ANKRD45: variants seen among roughly 807,000 people sequenced by gnomAD.
The protein encoded by ANKRD45 is ankyrin repeat domain-containing protein 45.
Under a neutral mutation model 28.1 loss-of-function variants are expected in ANKRD45, and 21 were observed. The observed-to-expected ratio is 0.75, with a 90% CI of 0.53 to 1.08. The LOEUF (loss-of-function observed/expected upper bound fraction) is 1.08, where lower values mean the gene tolerates loss of function less well. ANKRD45 is among the 50% of genes least tolerant of loss of function. The pLI is 0.00. For missense variants in ANKRD45, 261 were observed against 308.7 expected (o/e 0.85, Z 1.16); for synonymous variants, 86 against 103.9 (o/e 0.83, Z 1.05).
chr1:173,670,884 A>G (rs905086485), upstream of ANKRD45, among the ~76,000 whole-genome samples: 15 of 152,320 alleles, frequency 9.8e-5, no homozygotes, highest in African/African-American at 3.6e-4. Flanking sequence ...CAAAGAATGG[A>G]CTTAGAGGCA....
At position 173,657,470 on chromosome 1, in the gene ANKRD45, GAA is replaced by G. The variant is rs761648464; in HGVS notation, c.328+1619_328+1620del. 5.7e-5 allele frequency: 8 copies of G among 141,438 alleles called. No homozygotes were observed. The South Asian group carries it at 7.2e-4, about 13-fold the overall frequency. 8.8% of individuals were successfully genotyped at this position (141,438 alleles called of 1,614,324 possible). A position where few individuals can be genotyped will look rare whatever the true frequency, so the allele number is the denominator to read the frequency against. On this transcript the variant is annotated intron_variant, in intron 2 of 5. Transcript: ENST00000333279. ...GTGACAGAACAAGACTCTGTCTCAA[GAA>G]AAAAAAAAAAGAGAACAACAAATAT... is the stretch of plus-strand genomic sequence containing the variant.
At chr1:173,689,901 T>G in the ANKRD45 span, among the ~76,000 whole-genome samples, 6 of 152,062 alleles carry the variant, frequency 3.9e-5, no homozygotes, top group Non-Finnish European at 8.8e-5. Flanking sequence ...CCTTTCTTCC[T>G]CTGAAAAGAG....
At chr1:173,651,992 G>C (rs12084685) in intron 2 of ANKRD45, among the ~76,000 whole-genome samples, 19,402 of 152,018 alleles carry the variant, frequency 0.13, 4,135 homozygotes, top group African/African-American at 0.44. Flanking sequence ...AAGGAGATTT[G>C]GGGCTGAAAC....
chr1:173,615,474 C>T (rs1667424888), intron 5 of ANKRD45, among the ~76,000 whole-genome samples: 1 of 150,738 alleles, frequency 6.6e-6, no homozygotes. Flanking sequence ...ATGTGTCTTA[C>T]AGAGAAAATA....
At chr1:173,650,579 T>C (rs910325797) in intron 2 of ANKRD45, among the ~76,000 whole-genome samples, 51 of 152,352 alleles carry the variant, frequency 3.3e-4, no homozygotes, top group African/African-American at 1.2e-3. Flanking sequence ...CGTGTGTCTT[T>C]ATAGTAGCAT....
At chr1:173,711,622 G>A in the ANKRD45 span, among the ~76,000 whole-genome samples, 12 of 152,090 alleles carry the variant, frequency 7.9e-5, no homozygotes, top group African/African-American at 2.9e-4. Context: ...GATTTTGGGG[G>A]CCCAAGATAT....
chr1:173,660,658 C>T (rs192213812), intron 1 of ANKRD45, among the ~76,000 whole-genome samples: 11 of 152,288 alleles, frequency 7.2e-5, no homozygotes, highest in East Asian at 3.9e-4. Flanking sequence ...TCTTCTCATG[C>T]GCTGTGATGG....
chr1:173,644,034 T>C (rs1017665028), intron 3 of ANKRD45, among the ~76,000 whole-genome samples: 29 of 152,208 alleles, frequency 1.9e-4, no homozygotes, highest in African/African-American at 6.3e-4. Context: ...TCTAAGAGAA[T>C]ATTAATATAC....
chr1:173,673,111 CTTT>C (rs201967833), upstream of ANKRD45, among the ~76,000 whole-genome samples: 24 of 138,620 alleles, frequency 1.7e-4, no homozygotes, highest in Admixed American at 5.8e-4. Flanking sequence ...CATTTCTATA[CTTT>C]TTTTTTTTTT....
At chr1:173,653,912 G>C (rs1271707644) in intron 2 of ANKRD45, among the ~76,000 whole-genome samples, 1 of 147,656 alleles carries the variant, frequency 6.8e-6, no homozygotes, top group East Asian at 2.0e-4. Flanking sequence ...GACTAGGATT[G>C]CAACCCTTGC....
At chr1:173,645,145 A>G (rs1399003470) in intron 3 of ANKRD45, among the ~76,000 whole-genome samples, 1 of 152,232 alleles carries the variant, frequency 6.6e-6, no homozygotes, top group Admixed American at 6.5e-5. Flanking sequence ...TGCTTATAGA[A>G]AATATTTAGT....
At chr1:173,624,637 A>T in intron 5 of ANKRD45, 150 bp downstream of exon 5, 1 of 725,704 alleles carries the variant, frequency 1.4e-6, no homozygotes, top group South Asian at 2.7e-5. Flanking sequence ...AAATAATGAA[A>T]CTAGGGAACT....
At chr1:173,610,737 G>A (rs1375631357) in intron 5 of ANKRD45, among the ~76,000 whole-genome samples, 1 of 151,904 alleles carries the variant, frequency 6.6e-6, no homozygotes, top group Non-Finnish European at 1.5e-5. Context: ...CAGGAGGACT[G>A]TTTGAACCCA....
intron 1 of ANKRD45, among the ~76,000 whole-genome samples, chr1:173,667,944 T>C (rs1279555903): frequency 6.6e-6 from 1 of 152,184 alleles, no homozygotes; most frequent in African/African-American, 2.4e-5. Context: ...TTTGCAGAAA[T>C]GTAAAATAAT....
intron 2 of ANKRD45, among the ~76,000 whole-genome samples, chr1:173,647,772 TC>T (rs1669003273): frequency 6.6e-6 from 1 of 151,408 alleles, no homozygotes; most frequent in South Asian, 2.1e-4. Flanking sequence ...AATCCCATAA[TC>T]TTTTGTGTCT....
chr1:173,644,707 A>C (rs957788262), intron 3 of ANKRD45, among the ~76,000 whole-genome samples: 1 of 152,042 alleles, frequency 6.6e-6, no homozygotes, highest in African/African-American at 2.4e-5. Context: ...TAAATTATGG[A>C]ATGTGGGCTG....
At chr1:173,643,636 G>A (rs191112276) in intron 3 of ANKRD45, among the ~76,000 whole-genome samples, 2 of 151,828 alleles carry the variant, frequency 1.3e-5, no homozygotes, top group East Asian at 3.9e-4. Flanking sequence ...TCAGACTTTT[G>A]TTGACAAGAC....
At chr1:173,638,390 A>G (rs1260730643) in intron 3 of ANKRD45, among the ~76,000 whole-genome samples, 1 of 152,130 alleles carries the variant, frequency 6.6e-6, no homozygotes, top group Non-Finnish European at 1.5e-5. Context: ...AGGATCCAAC[A>G]TGGGAAAAGG....
intron 3 of ANKRD45, among the ~76,000 whole-genome samples, chr1:173,641,039 G>A (rs979622397): frequency 9.9e-5 from 15 of 152,190 alleles, no homozygotes; most frequent in Admixed American, 9.2e-4. Context: ...TTTGAGATAT[G>A]CATTATTCCC....
Sources: gnomAD v4.1 joint callset for allele counts (sites outside exome capture counted in the v4.1 genomes callset) on GRCh38, gnomAD v4.1.1 for gene constraint, MANE v1.5 for transcripts, NCBI Gene and HGNC (gene_info 2026-07-23, HGNC 2026-07-21) for gene names.